The following BLTP2 variants were observed in gnomAD, a reference collection of about 807,000 sequenced individuals.
BLTP2 encodes the protein bridge-like lipid transfer protein family member 2.
At chr17:28,624,585 T>A in the BLTP2 span, among the ~76,000 whole-genome samples, 2 of 152,156 alleles carry the variant, frequency 1.3e-5, no homozygotes, top group Non-Finnish European at 2.9e-5. Flanking sequence ...TCACTTTCCC[T>A]TCAATTTTAA....
the BLTP2 span, chr17:28,639,685 G>T: frequency 6.3e-7 from 1 of 1,580,592 alleles, no homozygotes; most frequent in Non-Finnish European, 8.7e-7. Context: ...GCACTGGAAG[G>T]GCAAGAGGTA....
At chr17:28,625,000 TTTAC>T in the BLTP2 span, among the ~76,000 whole-genome samples, 4 of 152,264 alleles carry the variant, frequency 2.6e-5, no homozygotes, top group African/African-American at 9.6e-5. Flanking sequence ...TGCATCATAG[TTTAC>T]TTGTTTGTAA....
chr17:28,620,739 G>A, the BLTP2 span: 1 of 1,256,386 alleles, frequency 8.0e-7, no homozygotes. Flanking sequence ...CCACAGAAAG[G>A]GTGAGAGTTG....
At chr17:28,616,608 A>G in the BLTP2 span, 1 of 1,614,082 alleles carries the variant, frequency 6.2e-7, no homozygotes, top group East Asian at 2.2e-5. This position sits in a 1 kb window ranked among gnomAD's most constrained non-coding sequence, Gnocchi z 4.8. Flanking sequence ...TCCACCATAA[A>G]AGTTCTCACC....
the BLTP2 span, chr17:28,624,473 C>A: frequency 8.2e-7 from 1 of 1,213,838 alleles, no homozygotes; most frequent in Non-Finnish European, 1.2e-6. Flanking sequence ...TTGATCTTCC[C>A]TCAATTTATC....
At chr17:28,621,531 TG>T in the BLTP2 span, 4 of 1,534,906 alleles carry the variant, frequency 2.6e-6, no homozygotes, top group Non-Finnish European at 3.6e-6. Context: ...CTTTAGCTCC[TG>T]GGAAAAGAGT....
the BLTP2 span, chr17:28,618,781 C>A: frequency 9.3e-6 from 15 of 1,609,590 alleles, no homozygotes; most frequent in East Asian, 2.2e-5. Context: ...TGACCATATA[C>A]CCCAGATACC....
chr17:28,628,197 A>C, the BLTP2 span: 2 of 1,372,272 alleles, frequency 1.5e-6, no homozygotes, highest in South Asian at 1.3e-5. Context: ...GTCCTTTTAA[A>C]ACTCCTGTCC....
At chr17:28,619,725 C>A in the BLTP2 span, 1 of 1,613,816 alleles carries the variant, frequency 6.2e-7, no homozygotes, top group Non-Finnish European at 8.5e-7. Flanking sequence ...GCAACTGAAG[C>A]TTCTGGTTCA....
At chr17:28,633,829 G>A in the BLTP2 span, 2 of 1,600,930 alleles carry the variant, frequency 1.2e-6, no homozygotes, top group Non-Finnish European at 1.7e-6. Flanking sequence ...AAGGGTCTCA[G>A]CTCACCTCCC....
the BLTP2 span, chr17:28,635,497 A>C: frequency 3.7e-6 from 6 of 1,614,190 alleles, no homozygotes; most frequent in Admixed American, 1.0e-4. Flanking sequence ...AGTCTCAGGA[A>C]ACACAGTGGC....
chr17:28,621,350 A>G, the BLTP2 span: 9 of 1,515,398 alleles, frequency 5.9e-6, no homozygotes, highest in African/African-American at 2.7e-5. Flanking sequence ...TCCCTTTGGG[A>G]TGCACATCTG....
chr17:28,622,859 G>A, the BLTP2 span, among the ~76,000 whole-genome samples: 1,080 of 152,136 alleles, frequency 7.1e-3, 6 homozygotes, highest in South Asian at 0.016. Context: ...GGCGGATCAC[G>A]AGGTCAGGAG....
chr17:28,643,373 A>G, the BLTP2 span: 5 of 1,588,520 alleles, frequency 3.1e-6, no homozygotes, highest in Non-Finnish European at 3.4e-6. Flanking sequence ...TCTATTCCCC[A>G]CCCTCACATT....
At chr17:28,621,661 G>A in the BLTP2 span, among the ~76,000 whole-genome samples, 1 of 152,116 alleles carries the variant, frequency 6.6e-6, no homozygotes, top group Non-Finnish European at 1.5e-5. Context: ...GGACATACTT[G>A]TCTCATTCTC....
chr17:28,633,880 C>T, the BLTP2 span: 5 of 1,612,780 alleles, frequency 3.1e-6, no homozygotes, highest in Admixed American at 3.3e-5. Flanking sequence ...AACCAACTGC[C>T]TCATCTCTAC....
At chr17:28,631,350 G>C in the BLTP2 span, 4 of 843,662 alleles carry the variant, frequency 4.7e-6, no homozygotes, top group Non-Finnish European at 7.5e-6. Context: ...CTTCCCAGTA[G>C]CCAAAACTCA....
chr17:28,642,051 G>A, the BLTP2 span: 68 of 1,614,172 alleles, frequency 4.2e-5, no homozygotes, highest in Admixed American at 1.1e-3. Context: ...TCCAGGGCCA[G>A]TGAAAGCTCC....
the BLTP2 span, chr17:28,617,093 G>A: frequency 3.8e-5 from 44 of 1,162,270 alleles, no homozygotes; most frequent in African/African-American, 6.1e-5. Context: ...GAGAAGCAAT[G>A]GTACTGCTAA....
Sources: allele counts gnomAD v4.1 joint callset (sites outside exome capture counted in the v4.1 genomes callset), GRCh38; gene constraint gnomAD v4.1.1; non-coding constraint Gnocchi (gnomAD v3.1); transcripts MANE v1.5; gene names NCBI Gene and HGNC (gene_info 2026-07-23, HGNC 2026-07-21).